Variants in STK40 observed in about 807,000 individuals in gnomAD.
STK40 encodes the protein serine/threonine kinase 40.
A neutral mutation model predicts 47.9 loss-of-function variants in STK40; 13 were observed. The ratio of observed to expected loss-of-function variants is 0.27; its 90% CI spans 0.18 to 0.43. The LOEUF (loss-of-function observed/expected upper bound fraction) is 0.43. Ranked by LOEUF, STK40 falls within the 20% of genes least tolerant of loss-of-function variation. STK40 has a pLI of 1.00. For synonymous variants in STK40, 225 were observed against 243.2 expected (o/e 0.93, Z 0.69); for missense variants, 460 against 595.1 (o/e 0.77, Z 2.36).
At position 36,359,313 on chromosome 1, in the gene STK40, G is replaced by C. The variant is rs1434444260; in HGVS notation, c.113-491C>G. 3.3e-5 allele frequency among the ~76,000 whole-genome samples: 5 copies of C among 152,290 alleles called. No individual in the cohort carries two copies. The East Asian group carries it at 9.6e-4, about 29-fold the overall frequency. On this transcript the variant is annotated intron_variant, in intron 2 of 10. Coordinates refer to ENST00000373132, the MANE Select transcript of STK40 (RefSeq NM_001282547.2). Reference sequence around the variant, plus strand: ...CCCAGCTACTTGGAAGGCTGAGGTGGGAGGATCGTTTGAGCCCAGGAGGCT... The same window carrying C: ...CCCAGCTACTTGGAAGGCTGAGGTGCGAGGATCGTTTGAGCCCAGGAGGCT...
At chr1:36,380,634 T>C (rs1473571017) in intron 1 of STK40, among the ~76,000 whole-genome samples, 1 of 152,138 alleles carries the variant, frequency 6.6e-6, no homozygotes, top group African/African-American at 2.4e-5. Flanking sequence ...CAGTGGGCTG[T>C]AGTATGCTGA....
intron 8 of STK40, 25 bp downstream of exon 8, chr1:36,344,095 C>CCCCCCCCCCGGGGGGCGGG: frequency 6.3e-7 from 1 of 1,585,990 alleles, no homozygotes; most frequent in Non-Finnish European, 8.6e-7. Context: ...GCTGCCCCCC[C>CCCCCCCCCCGGGGGGCGGG]CACCCCCCGG....
At chr1:36,360,046 T>A (rs1646838312) in intron 2 of STK40, among the ~76,000 whole-genome samples, 1 of 152,232 alleles carries the variant, frequency 6.6e-6, no homozygotes. Flanking sequence ...CACGTCATCG[T>A]GGAACTTCCT....
chr1:36,355,097 A>G, intron 5 of STK40, 109 bp downstream of exon 5: 7 of 1,151,232 alleles, frequency 6.1e-6, no homozygotes, highest in Non-Finnish European at 8.8e-6. Context: ...GGACACTCCC[A>G]GCTGCAAAGC....
Position 36,343,920 on chromosome 1 carries a change from G to A in STK40, c.944C>T (p.Pro315Leu). The A allele has an allele frequency of 2.5e-6, 4 of 1,607,970 alleles. No homozygotes were observed. The highest frequency in any genetic ancestry group is 3.4e-6 in the Non-Finnish European group (4 of 1,175,614). ...CLIRKLLVLDPQQRLAAADVL... is the reference protein window; with the variant it reads ...CLIRKLLVLDLQQRLAAADVL... Reference sequence around the variant, plus strand: ...GTCGGCGGCGGCCAGGCGCTGCTGGGGGTCAAGGACCAGCAGCTTCCGGAT... The same window carrying A: ...GTCGGCGGCGGCCAGGCGCTGCTGGAGGTCAAGGACCAGCAGCTTCCGGAT... Residue 315 changes from proline (P) to leucine (L), a missense_variant, in exon 9 of 11, where the codon CCC (proline) becomes CTC (leucine). Pro to Leu is a moderately conservative substitution (Grantham distance 98). Around this residue, in one of 3 missense-constraint regions of STK40, gnomAD observed 181 missense variants for 218.9 expected, o/e 0.83. Coordinates refer to ENST00000373132, the MANE Select transcript of STK40 (RefSeq NM_001282547.2).
intron 6 of STK40, among the ~76,000 whole-genome samples, chr1:36,350,528 C>T (rs534222575): frequency 6.6e-6 from 1 of 152,350 alleles, no homozygotes; most frequent in South Asian, 2.1e-4. Context: ...TCTTGCTAAA[C>T]CTCAATTTCC....
intron 1 of STK40, among the ~76,000 whole-genome samples, chr1:36,363,853 C>T (rs952933283): frequency 7.0e-6 from 1 of 142,244 alleles, no homozygotes; most frequent in Non-Finnish European, 1.5e-5. Flanking sequence ...CACGCACATA[C>T]AAGTATACAT....
At chr1:36,375,131 AC>A (rs1646980475) in intron 1 of STK40, among the ~76,000 whole-genome samples, 1 of 152,186 alleles carries the variant, frequency 6.6e-6, no homozygotes, top group Non-Finnish European at 1.5e-5. Flanking sequence ...GAGGACAGGG[AC>A]AGCGCTACTC....
chr1:36,367,738 C>T, intron 1 of STK40: 1 of 878,910 alleles, frequency 1.1e-6, no homozygotes, highest in Non-Finnish European at 1.4e-6. Context: ...TCATGTCTAC[C>T]CAACTACAAA....
At chr1:36,355,517 G>T in intron 4 of STK40, 84 bp from the exon 5 acceptor site, 1 of 1,417,772 alleles carries the variant, frequency 7.1e-7, no homozygotes, top group Non-Finnish European at 9.9e-7. Flanking sequence ...TCTGGAGTGG[G>T]ACACTCAAAC....
intron 1 of STK40, among the ~76,000 whole-genome samples, chr1:36,367,157 A>G (rs577407018): frequency 1.2e-3 from 176 of 152,106 alleles, no homozygotes; most frequent in African/African-American, 4.1e-3. Context: ...CAACTCTTCT[A>G]CATTCTATCC....
chr1:36,383,610 C>T (rs1248207497), intron 1 of STK40, among the ~76,000 whole-genome samples: 1 of 152,240 alleles, frequency 6.6e-6, no homozygotes. Context: ...TCTACTGGGA[C>T]TCCAGTGAAA....
intron 7 of STK40, among the ~76,000 whole-genome samples, chr1:36,346,013 G>A (rs1646699356): frequency 7.4e-5 from 1 of 13,566 alleles, no homozygotes; most frequent in Admixed American, 8.2e-4. Flanking sequence ...TTTTTTTCCT[G>A]AGACAGAGTC....
intron 7 of STK40, among the ~76,000 whole-genome samples, chr1:36,345,218 A>G (rs1177541163): frequency 6.6e-6 from 1 of 152,224 alleles, no homozygotes; most frequent in African/African-American, 2.4e-5. Context: ...ACCCCAGAAC[A>G]CAACTCCGTT....
At chr1:36,365,077 C>T (rs1026276601) in intron 1 of STK40, among the ~76,000 whole-genome samples, 7 of 151,546 alleles carry the variant, frequency 4.6e-5, no homozygotes, top group Admixed American at 1.3e-4. Flanking sequence ...CCGCAACCTC[C>T]GCCTCCCAGG....
At chr1:36,359,921 T>C (rs1200389437) in intron 2 of STK40, among the ~76,000 whole-genome samples, 1 of 152,180 alleles carries the variant, frequency 6.6e-6, no homozygotes, top group Non-Finnish European at 1.5e-5. Flanking sequence ...GTCTGCAATG[T>C]TCTTCCCCAG....
intron 7 of STK40, among the ~76,000 whole-genome samples, chr1:36,345,991 A>ATATATATATATTTTTTTTTTTTTT: frequency 7.6e-5 from 2 of 26,468 alleles, no homozygotes; most frequent in African/African-American, 2.8e-4. Context: ...ATATATATAT[A>ATATATATATATTTTTTTTTTTTTT]TTTTTTTTTT....
chr1:36,351,221 C>T (rs571732263), intron 6 of STK40, among the ~76,000 whole-genome samples: 2 of 152,298 alleles, frequency 1.3e-5, no homozygotes, highest in South Asian at 2.1e-4. Flanking sequence ...AAGAGGATTT[C>T]GAATTTCGAT....
At chr1:36,351,154 C>G (rs891656676) in intron 6 of STK40, among the ~76,000 whole-genome samples, 2 of 151,988 alleles carry the variant, frequency 1.3e-5, no homozygotes, top group African/African-American at 4.8e-5. Flanking sequence ...ATGTTGCTTG[C>G]CTACCAAAAA....
Sources: gnomAD v4.1 joint callset for allele counts (sites outside exome capture counted in the v4.1 genomes callset) on GRCh38, gnomAD v4.1.1 for gene constraint, gnomAD v4.1.1 regional missense constraint, MANE v1.5 for transcripts, NCBI Gene and HGNC (gene_info 2026-07-23, HGNC 2026-07-21) for gene names.